The following FHIT variants were observed in gnomAD, a reference collection of about 807,000 sequenced individuals.
The protein encoded by FHIT is fragile histidine triad diadenosine triphosphatase, also known as bis(5'-adenosyl)-triphosphatase.
FHIT carries 19 observed loss-of-function variants against 17.9 expected under a neutral mutation model. The observed-to-expected ratio is 1.06, with a 90% CI of 0.74 to 1.56. FHIT has a LOEUF of 1.56. Ranked by LOEUF, FHIT falls within the 40% of genes most tolerant of loss-of-function variation. The pLI, the probability that FHIT is intolerant of heterozygous loss-of-function variation, is 0.00. For missense variants in FHIT, 248 were observed against 189.2 expected (o/e 1.31, Z -1.82); for synonymous variants, 81 against 69.7 (o/e 1.16, Z -0.81).
intron 8 of FHIT, among the ~76,000 whole-genome samples, chr3:59,761,227 C>A (rs73094508): frequency 0.12 from 18,837 of 152,178 alleles, 1,250 homozygotes; most frequent in South Asian, 0.24. Context: ...CCCAGTAGTT[C>A]TTTGCTTTTC....
At chr3:61,024,431 T>C (rs2032624943) in intron 3 of FHIT, among the ~76,000 whole-genome samples, 1 of 152,198 alleles carries the variant, frequency 6.6e-6, no homozygotes. Flanking sequence ...GAGGCTGAGC[T>C]AAGAATTCTC....
intron 5 of FHIT, among the ~76,000 whole-genome samples, chr3:60,514,996 T>C (rs1024468403): frequency 1.3e-5 from 2 of 150,956 alleles, no homozygotes; most frequent in Non-Finnish European, 2.9e-5. Context: ...CTAGATAAAA[T>C]GCAGCTGGTT....
intron 2 of FHIT, among the ~76,000 whole-genome samples, chr3:61,102,132 C>T (rs1419370152): frequency 3.3e-5 from 5 of 152,042 alleles, no homozygotes; most frequent in South Asian, 2.1e-4. Context: ...TGTCTTGTGC[C>T]AGTTTTCAAA....
chr3:60,378,076 G>C (rs1385334824), intron 5 of FHIT, among the ~76,000 whole-genome samples: 1 of 151,944 alleles, frequency 6.6e-6, no homozygotes. Flanking sequence ...TCCCAGGCTG[G>C]AGTGCAGTGG....
chr3:59,881,023 G>GA (rs924653263), intron 8 of FHIT, among the ~76,000 whole-genome samples: 19 of 150,690 alleles, frequency 1.3e-4, no homozygotes, highest in South Asian at 6.3e-4. Flanking sequence ...GAAAGTGAAA[G>GA]AAAAAAAAAT....
chr3:61,249,895 C>T (rs996045368), intron 1 of FHIT, among the ~76,000 whole-genome samples: 4 of 149,460 alleles, frequency 2.7e-5, no homozygotes, highest in Admixed American at 6.7e-5. Flanking sequence ...ACAACAATCC[C>T]ATATCTAACA....
chr3:60,925,827 G>C (rs1367566617), intron 3 of FHIT, among the ~76,000 whole-genome samples: 2 of 152,170 alleles, frequency 1.3e-5, no homozygotes, highest in Non-Finnish European at 2.9e-5. Flanking sequence ...CACATGCAGA[G>C]ACACACATAG....
At chr3:61,221,280 G>A (rs921900182) in intron 1 of FHIT, among the ~76,000 whole-genome samples, 4 of 152,168 alleles carry the variant, frequency 2.6e-5, no homozygotes, top group African/African-American at 7.2e-5. Flanking sequence ...TTCTCAGAAC[G>A]GGATGACATT....
At chr3:60,534,294 G>A (rs369307496) in intron 5 of FHIT, among the ~76,000 whole-genome samples, 165 of 149,592 alleles carry the variant, frequency 1.1e-3, no homozygotes, top group African/African-American at 3.6e-3. Flanking sequence ...TTAGCCGGGC[G>A]CGGTGGCGGG....
chr3:60,728,595 T>A lies in FHIT; in HGVS notation c.-18+93324A>T, dbSNP rs575562703. On this transcript the variant is annotated intron_variant, in intron 4 of 9. Transcript: ENST00000492590. The stretch of plus-strand genomic sequence containing the variant: ...TTTATTTTGTTTTGCGTCGTTTTTT[T>A]AAAAAAAATTGTTTATTGTTTATTT... Among the ~76,000 whole-genome samples the A allele has an allele frequency of 1.9e-3, 282 of 152,044 alleles. 1 individual carries two copies. The highest frequency in any genetic ancestry group is 3.0e-3 in the Non-Finnish European group (205 of 67,972).
rs547757717 is a variant in FHIT, at chr3:60,131,937, T to C, written c.104-117785A>G. ...CCCTTCCACTGTTTCAGAGGCCCAC[T>C]CTCAAGCTCTCCACATCTATAAAGT... On this transcript the variant is annotated intron_variant, in intron 5 of 9. Transcript: ENST00000492590. Among the ~76,000 whole-genome samples the C allele has an allele frequency of 2.0e-5, 3 of 152,274 alleles. No homozygotes were observed. In the South Asian group the frequency reaches 6.2e-4, roughly 32 times the overall value.
chr3:60,732,606 C>CAAT, intron 4 of FHIT: 1 of 548,454 alleles, frequency 1.8e-6, no homozygotes, highest in East Asian at 4.4e-5. Flanking sequence ...GTGTCAATGG[C>CAAT]AATGTGGAAG....
At chr3:60,424,469 T>TCTCC (rs1470122059) in intron 5 of FHIT, among the ~76,000 whole-genome samples, 1 of 152,128 alleles carries the variant, frequency 6.6e-6, no homozygotes, top group Non-Finnish European at 1.5e-5. Flanking sequence ...CAGAAATGCA[T>TCTCC]CTCCACTCTG....
intron 5 of FHIT, among the ~76,000 whole-genome samples, chr3:60,226,565 G>A (rs1226609706): frequency 6.6e-6 from 1 of 150,992 alleles, no homozygotes; most frequent in Admixed American, 6.6e-5. Context: ...TACTGTTGCT[G>A]CACACAATGA....
At chr3:60,807,915 C>T (rs73109607) in intron 4 of FHIT, among the ~76,000 whole-genome samples, 7,837 of 152,214 alleles carry the variant, frequency 0.051, 216 homozygotes, top group South Asian at 0.084. Context: ...AATAAGATGT[C>T]GATAAAGACC....
intron 8 of FHIT, among the ~76,000 whole-genome samples, chr3:59,873,287 A>G (rs1418443173): frequency 6.6e-6 from 1 of 152,204 alleles, no homozygotes; most frequent in Non-Finnish European, 1.5e-5. Context: ...TATTCAGGTA[A>G]TATTTTCTGG....
At chr3:59,822,610 G>A (rs1032886390) in intron 8 of FHIT, among the ~76,000 whole-genome samples, 1 of 151,992 alleles carries the variant, frequency 6.6e-6, no homozygotes, top group African/African-American at 2.4e-5. Flanking sequence ...GTTGAGAATT[G>A]TCTATTTACA....
chr3:59,858,621 T>A (rs1411615817), intron 8 of FHIT, among the ~76,000 whole-genome samples: 2 of 151,982 alleles, frequency 1.3e-5, no homozygotes, highest in African/African-American at 4.8e-5. Context: ...GCCTGCTCTG[T>A]AACTGAACAT....
At chr3:60,011,337 C>T (rs749121136) in intron 7 of FHIT, 34 bp downstream of exon 7, 1 of 1,607,210 alleles carries the variant, frequency 6.2e-7, no homozygotes, top group Admixed American at 1.7e-5. Context: ...ATAATCGCCT[C>T]TTATTAATTT....
Sources: gnomAD v4.1 joint callset for allele counts (sites outside exome capture counted in the v4.1 genomes callset) on GRCh38, gnomAD v4.1.1 for gene constraint, MANE v1.5 for transcripts, NCBI Gene and HGNC (gene_info 2026-07-23, HGNC 2026-07-21) for gene names.